Variants in FTO observed in about 807,000 individuals in gnomAD.
The protein encoded by FTO is alpha-ketoglutarate-dependent dioxygenase FTO.
In FTO, 47 loss-of-function variants were observed where a neutral mutation model predicts 63.9. The observed-to-expected ratio is 0.74, with a 90% CI of 0.58 to 0.94. The LOEUF is 0.94. Among genes scored for constraint, FTO ranks in the 40% least tolerant of loss-of-function variants. FTO has a pLI of 0.00. For missense variants in FTO, 562 were observed against 618.1 expected (o/e 0.91, Z 0.96); for synonymous variants, 207 against 224.4 (o/e 0.92, Z 0.69).
intron 4 of FTO, among the ~76,000 whole-genome samples, chr16:53,853,393 T>A (rs1420717520): frequency 6.6e-6 from 1 of 152,168 alleles, no homozygotes; most frequent in Admixed American, 6.5e-5. Flanking sequence ...TGTTGAAGTC[T>A]GGTATTTTAA....
At chr16:53,918,927 TA>T (rs2081945271) in intron 7 of FTO, among the ~76,000 whole-genome samples, 1 of 152,226 alleles carries the variant, frequency 6.6e-6, no homozygotes, top group Admixed American at 6.5e-5. Flanking sequence ...TTAATTTAGC[TA>T]AGCCTCAGTT....
chr16:53,737,251 G>A (rs541865632), intron 1 of FTO, among the ~76,000 whole-genome samples: 2 of 152,254 alleles, frequency 1.3e-5, no homozygotes, highest in South Asian at 2.1e-4. Context: ...GAATAAGTGT[G>A]TATATATCTC....
intron 1 of FTO, among the ~76,000 whole-genome samples, chr16:53,778,255 G>C (rs1423690644): frequency 1.3e-5 from 2 of 152,138 alleles, no homozygotes; most frequent in Non-Finnish European, 2.9e-5. Flanking sequence ...TAAAATGGTA[G>C]ATTTTAAATG....
At chr16:53,948,718 A>AT (rs2082705012) in intron 8 of FTO, among the ~76,000 whole-genome samples, 1 of 152,252 alleles carries the variant, frequency 6.6e-6, no homozygotes, top group Admixed American at 6.5e-5. Context: ...ATGAATTCAA[A>AT]TATTTGTAAC....
At position 53,994,640 on chromosome 16, in the gene FTO, G is replaced by A. The variant is rs529824709; in HGVS notation, c.1364+60531G>A. The stretch of plus-strand genomic sequence containing the variant: ...AGCCTCCCAAAGCGCTGGGATGACA[G>A]GTGTGAGCCACCAGGCCTGGCCTCA... On this transcript the variant is annotated intron_variant, in intron 8 of 8. Coordinates refer to ENST00000471389, the MANE Select transcript of FTO (RefSeq NM_001080432.3). Among the ~76,000 whole-genome samples, 43 of 152,152 alleles carry A rather than the reference G, an allele frequency of 2.8e-4. No individual in the cohort carries two copies. In the South Asian group the frequency reaches 7.1e-3, roughly 25 times the overall value.
At chr16:54,021,588 C>G (rs2084603729) in intron 8 of FTO, among the ~76,000 whole-genome samples, 1 of 152,184 alleles carries the variant, frequency 6.6e-6, no homozygotes. Context: ...CTCCTGGGTT[C>G]AAGCAATTCT....
intron 8 of FTO, chr16:54,054,571 C>T (rs1023458024): frequency 6.6e-6 from 1 of 152,144 alleles, no homozygotes; most frequent in Admixed American, 6.5e-5. Flanking sequence ...AGAAACCTCC[C>T]GGTGTGTTTT....
intron 4 of FTO, among the ~76,000 whole-genome samples, chr16:53,868,726 C>T (rs1319609045): frequency 6.6e-6 from 1 of 152,044 alleles, no homozygotes; most frequent in Admixed American, 6.6e-5. Context: ...AGTTTCTGAT[C>T]TATATCATTT....
intron 8 of FTO, among the ~76,000 whole-genome samples, chr16:54,094,051 AC>A (rs2086456608): frequency 1.3e-5 from 2 of 151,946 alleles, no homozygotes; most frequent in Admixed American, 6.6e-5. Flanking sequence ...GAATGAGATC[AC>A]CCCCAGACAG....
At chr16:53,879,762 C>G in intron 5 of FTO, 82 bp from the exon 6 acceptor site, 1 of 1,458,024 alleles carries the variant, frequency 6.9e-7, no homozygotes, top group Non-Finnish European at 9.5e-7. Flanking sequence ...CAGCCAGGGA[C>G]AAATATGAAC....
intron 3 of FTO, among the ~76,000 whole-genome samples, chr16:53,836,577 T>C (rs1206392891): frequency 6.6e-6 from 1 of 152,216 alleles, no homozygotes; most frequent in Admixed American, 6.5e-5. Flanking sequence ...AACTCTTTGA[T>C]TTCTGCAACT....
chr16:53,935,497 C>T (rs2082367609), intron 8 of FTO: 1 of 152,158 alleles, frequency 6.6e-6, no homozygotes, highest in Non-Finnish European at 1.5e-5. Context: ...CAATGATATT[C>T]ACCCTCCCCT....
Position 53,875,900 on chromosome 16 carries a change from G to A in FTO, c.975+2035G>A, listed in dbSNP as rs1352314849. The stretch of plus-strand genomic sequence containing the variant: ...GATGGGGCTTTGCCATATTGGCCAG[G>A]CTGGTCTTGAACTCCTGACCTCAGT... On this transcript the variant is annotated intron_variant, in intron 5 of 8. Transcript: ENST00000471389. Among the ~76,000 whole-genome samples, 4 of 152,290 alleles carry A rather than the reference G, an allele frequency of 2.6e-5. No homozygotes were observed. In the East Asian group the frequency reaches 7.7e-4, roughly 29 times the overall value.
intron 8 of FTO, chr16:54,040,686 G>A (rs1307385967): frequency 6.6e-6 from 1 of 152,196 alleles, no homozygotes; most frequent in African/African-American, 2.4e-5. Flanking sequence ...CAAAGCAAAC[G>A]GTTAAGTGCA....
chr16:53,731,879 C>G (rs1482282679), intron 1 of FTO, among the ~76,000 whole-genome samples: 1 of 151,524 alleles, frequency 6.6e-6, no homozygotes, highest in East Asian at 1.9e-4. Context: ...TCCCGAGTAG[C>G]TGGGACTACA....
chr16:53,825,765 C>T (rs1265170098), intron 2 of FTO, 99 bp from the exon 3 acceptor site: 40 of 1,387,396 alleles, frequency 2.9e-5, no homozygotes, highest in Middle Eastern at 4.9e-4. Context: ...CAGGTAGTCC[C>T]CCCACAACTC....
chr16:54,100,604 C>G (rs1280943280), intron 8 of FTO, among the ~76,000 whole-genome samples: 1 of 152,200 alleles, frequency 6.6e-6, no homozygotes, highest in Non-Finnish European at 1.5e-5. Context: ...CTGCCTGCCT[C>G]AGCTTCCCAA....
intron 1 of FTO, among the ~76,000 whole-genome samples, chr16:53,765,625 C>T (rs2077182890): frequency 6.6e-6 from 1 of 150,890 alleles, no homozygotes; most frequent in Non-Finnish European, 1.5e-5. Context: ...TAGTGATAAA[C>T]AGTATGTTGT....
At chr16:53,830,000 C>T (rs1240472548) in intron 3 of FTO, among the ~76,000 whole-genome samples, 1 of 152,154 alleles carries the variant, frequency 6.6e-6, no homozygotes. Context: ...GAAGTGATTG[C>T]TTCCTGCTGA....
Sources: allele counts gnomAD v4.1 joint callset (sites outside exome capture counted in the v4.1 genomes callset), GRCh38; gene constraint gnomAD v4.1.1; transcripts MANE v1.5; gene names NCBI Gene and HGNC (gene_info 2026-07-23, HGNC 2026-07-21).